The following STK26 variants were observed in gnomAD, a reference collection of about 807,000 sequenced individuals.
The protein encoded by STK26 is serine/threonine kinase 26.
A neutral mutation model predicts 34.7 loss-of-function variants in STK26; 14 were observed. The ratio of observed to expected loss-of-function variants is 0.40; its 90% CI spans 0.27 to 0.63. The LOEUF (loss-of-function observed/expected upper bound fraction) is 0.63, where lower values mean the gene tolerates loss of function less well. Among genes scored for constraint, STK26 ranks in the 30% least tolerant of loss-of-function variants. The pLI, the probability that STK26 is intolerant of heterozygous loss-of-function variation, is 0.38. For synonymous variants in STK26, 100 were observed against 109.8 expected (o/e 0.91, Z 0.56); for missense variants, 226 against 309.1 (o/e 0.73, Z 2.02).
intron 2 of STK26, among the ~76,000 whole-genome samples, chrX:132,053,681 C>CA (rs1926761560): frequency 9.0e-6 from 1 of 111,595 alleles, no homozygotes; most frequent in Non-Finnish European, 1.9e-5. Flanking sequence ...TGAAGGAACT[C>CA]AAAGTTTTTG....
In STK26 at chrX:132,069,558, A is replaced by G; in HGVS notation, c.678A>G (p.Arg226=). 8.4e-7 allele frequency: 1 copy of G among 1,184,158 alleles called. No homozygotes were observed. The part of the protein sequence containing the change: ...EPPNSDMHPM[R]VLFLIPKNNP... ...CTAACTCCGATATGCATCCAATGAGAGTTCTGTTTCTTATTCCCAAAAACA... is the reference window on the plus strand; with the variant it reads ...CTAACTCCGATATGCATCCAATGAGGGTTCTGTTTCTTATTCCCAAAAACA... The change falls in exon 7 of 12, where the codon AGA becomes AGG. Residue 226 remains arginine, a synonymous_variant. Coordinates refer to ENST00000394334, the MANE Select transcript of STK26 (RefSeq NM_016542.4).
At chrX:132,058,243 C>T (rs867598327) in intron 3 of STK26, among the ~76,000 whole-genome samples, 4 of 102,718 alleles carry the variant, frequency 3.9e-5, no homozygotes, top group East Asian at 3.0e-4. Flanking sequence ...TGTGTGTGTG[C>T]GTGTGTGTGT....
intron 4 of STK26, among the ~76,000 whole-genome samples, chrX:132,067,948 T>A (rs924263626): frequency 1.8e-5 from 2 of 108,589 alleles, no homozygotes; most frequent in African/African-American, 6.6e-5. Context: ...AACCTCAGAA[T>A]TTGAAGCCTA....
rs140251185 is a variant in STK26 at position 132,068,182 on chromosome X, A to G, written c.331-33A>G. On this transcript the variant is annotated intron_variant, in intron 4 of 11. Coordinates refer to ENST00000394334, the MANE Select transcript of STK26 (RefSeq NM_016542.4). ...TTTATGTTTCCAAACTTTTACACAT[A>G]TGTGTATGTGTGTGTGTGTTTTTCC... 1,261 of 1,072,815 alleles carry G rather than the reference A, an allele frequency of 1.2e-3. 9 individuals carry two copies. The African/African-American group carries it at 0.02, about 17-fold the overall frequency. The allele number at this position is 1,072,815 out of a possible 1,213,427, so 88.4% of individuals were successfully genotyped here. A position where few individuals can be genotyped will look rare whatever the true frequency, so the allele number is the denominator to read the frequency against.
intron 2 of STK26, among the ~76,000 whole-genome samples, chrX:132,051,005 G>A (rs933002142): frequency 9.0e-6 from 1 of 111,678 alleles, no homozygotes; most frequent in African/African-American, 3.3e-5. Context: ...TAAAGCCTAG[G>A]TATCCACATT....
At chrX:132,042,716 A>G (rs190636407) in intron 2 of STK26, among the ~76,000 whole-genome samples, 1 of 111,595 alleles carries the variant, frequency 9.0e-6, no homozygotes, top group East Asian at 2.8e-4. Flanking sequence ...AAAGGTGATT[A>G]TTGAAAAATT....
At chrX:132,044,817 A>T (rs28662110) in intron 2 of STK26, among the ~76,000 whole-genome samples, 8 of 51,074 alleles carry the variant, frequency 1.6e-4, no homozygotes, top group South Asian at 8.3e-4. Flanking sequence ...CTATATATAT[A>T]TTTATATATA....
rs1297609886 is a variant in STK26, at chrX:132,075,252, T to TA, written c.*1094dup. The stretch of plus-strand genomic sequence containing the variant: ...TTAGATTGCACAGTTAATTTTCACT[T>TA]ATATTTATGGTACTATTATGTGGGT... On this transcript the variant is annotated 3_prime_UTR_variant, in exon 12 of 12. Coordinates refer to ENST00000394334, the MANE Select transcript of STK26 (RefSeq NM_016542.4). 9.0e-6 allele frequency: 1 copy of TA among 111,518 alleles called. No homozygotes were observed. The highest frequency in any genetic ancestry group is 3.3e-5 in the African/African-American group (1 of 30,761). 9.2% of individuals were successfully genotyped at this position (111,518 alleles called of 1,213,427 possible).
At chrX:132,023,823 GGT>G (rs1935038945) in intron 2 of STK26, among the ~76,000 whole-genome samples, 164 bp downstream of exon 2, 1 of 112,323 alleles carries the variant, frequency 8.9e-6, no homozygotes, top group African/African-American at 3.2e-5. Flanking sequence ...GGTGTTTCCT[GGT>G]GTGTAGGCTA....
At chrX:132,056,611 G>A (rs1926867948) in intron 3 of STK26, among the ~76,000 whole-genome samples, 1 of 111,333 alleles carries the variant, frequency 9.0e-6, no homozygotes, top group Admixed American at 9.5e-5. Flanking sequence ...CACTTGAGGT[G>A]GCACTAGTGT....
chrX:132,038,763 T>TCTCC (rs113402522), intron 2 of STK26, among the ~76,000 whole-genome samples: 15,904 of 109,909 alleles, frequency 0.14, 1,061 homozygotes, highest in African/African-American at 0.24. Context: ...GCATTAAAGG[T>TCTCC]CTCCCTTGGG....
At chrX:132,050,047 C>T (rs1418268233) in intron 2 of STK26, among the ~76,000 whole-genome samples, 4 of 111,012 alleles carry the variant, frequency 3.6e-5, no homozygotes, top group African/African-American at 1.3e-4. Context: ...TTAGGTAGTT[C>T]AAATTCAAAG....
chrX:132,068,599 G>T lies in STK26; in HGVS notation c.597+30G>T, dbSNP rs750983458. ...AGTATTACCTGTACAAACTGTTTTG[G>T]GCTTGTTAATAAATTATATATGGCA... On this transcript the variant is annotated intron_variant, in intron 6 of 11. Coordinates refer to ENST00000394334, the MANE Select transcript of STK26 (RefSeq NM_016542.4). The T allele has an allele frequency of 5.1e-6, 6 of 1,171,899 alleles. No individual in the cohort carries two copies. In the South Asian group the frequency reaches 1.2e-4, roughly 23 times the overall value.
intron 2 of STK26, among the ~76,000 whole-genome samples, chrX:132,037,425 C>G (rs569350521): frequency 1.8e-5 from 2 of 111,449 alleles, no homozygotes; most frequent in African/African-American, 3.3e-5. Flanking sequence ...GCAGTTTTAG[C>G]GAATTAGGAT....
rs934191071 is a variant in STK26 at position 132,075,649 on chromosome X, G to A, written c.*1490G>A. ...TTAATGCATTGTATTTTGAAGTAACGGTTCAGTTAAATTTTTCACCTGCTG... is the reference window on the plus strand; with the variant it reads ...TTAATGCATTGTATTTTGAAGTAACAGTTCAGTTAAATTTTTCACCTGCTG... On this transcript the variant is annotated 3_prime_UTR_variant, in exon 12 of 12. Coordinates refer to ENST00000394334, the MANE Select transcript of STK26 (RefSeq NM_016542.4). 1 of 111,109 alleles carries A rather than the reference G, an allele frequency of 9.0e-6. No homozygotes were observed. Among genetic ancestry groups the A allele is most frequent in the Non-Finnish European group, 1.9e-5 (1 of 52,785 alleles). 9.2% of individuals were successfully genotyped at this position (111,109 alleles called of 1,213,427 possible). A position where few individuals can be genotyped will look rare whatever the true frequency, so the allele number is the denominator to read the frequency against.
At position 132,068,329 on chromosome X, in the gene STK26, C is replaced by T; in HGVS notation, c.439+6C>T. On this transcript the variant is annotated splice_donor_region_variant and intron_variant, in intron 5 of 11. Coordinates refer to ENST00000394334, the MANE Select transcript of STK26 (RefSeq NM_016542.4). ...AATTCACCGAGACATAAAAGGTATA[C>T]AAAAGTCTAATATGAACCTGAGAAA... The T allele has an allele frequency of 3.3e-6, 4 of 1,197,435 alleles. No homozygotes were observed. Among genetic ancestry groups the T allele is most frequent in the Non-Finnish European group, 4.5e-6 (4 of 888,933 alleles).
intron 2 of STK26, among the ~76,000 whole-genome samples, chrX:132,041,571 G>A (rs1233670589): frequency 9.1e-6 from 1 of 110,059 alleles, no homozygotes; most frequent in African/African-American, 3.3e-5. Flanking sequence ...AAGAAACTTT[G>A]TCATTTATCT....
chrX:132,052,861 G>T (rs1245126191), intron 2 of STK26, among the ~76,000 whole-genome samples: 2 of 111,859 alleles, frequency 1.8e-5, no homozygotes, highest in African/African-American at 6.5e-5. Flanking sequence ...CAGGAAAACA[G>T]AAATATTTTT....
At chrX:132,040,783 A>G (rs1214101721) in intron 2 of STK26, among the ~76,000 whole-genome samples, 2 of 111,696 alleles carry the variant, frequency 1.8e-5, no homozygotes, top group Admixed American at 1.9e-4. Context: ...AGCTTGTCTG[A>G]AGTAAGGAGA....
Sources: gnomAD v4.1 joint callset for allele counts (sites outside exome capture counted in the v4.1 genomes callset) on GRCh38, gnomAD v4.1.1 for gene constraint, MANE v1.5 for transcripts, NCBI Gene and HGNC (gene_info 2026-07-23, HGNC 2026-07-21) for gene names.